Variants in KCNT2 observed in about 807,000 individuals in gnomAD.
KCNT2 encodes the protein potassium sodium-activated channel subfamily T member 2.
In KCNT2, 67 loss-of-function variants were observed where a neutral mutation model predicts 153.8. That is an observed-to-expected ratio of 0.44 (90% CI 0.36 to 0.53). The LOEUF is 0.53. Among genes scored for constraint, KCNT2 ranks in the 20% least tolerant of loss-of-function variants. KCNT2 has a pLI of 0.00. For missense variants in KCNT2, 975 were observed against 1,354.8 expected, an observed-to-expected ratio of 0.72 and a Z score of 4.40; for synonymous variants, 500 against 458.8, an observed-to-expected ratio of 1.09 and a Z score of -1.15.
chr1:196,574,736 TATAG>T (rs1661155781), intron 1 of KCNT2, among the ~76,000 whole-genome samples: 1 of 152,040 alleles, frequency 6.6e-6, no homozygotes, highest in Admixed American at 6.6e-5. Flanking sequence ...TTGGAGCTAT[TATAG>T]ATAAATTATA....
chr1:196,591,309 G>A (rs1450655262), intron 1 of KCNT2, among the ~76,000 whole-genome samples: 1 of 151,902 alleles, frequency 6.6e-6, no homozygotes, highest in Non-Finnish European at 1.5e-5. Context: ...GCTTCCTGAG[G>A]CCCTCCCCAG....
intron 1 of KCNT2, among the ~76,000 whole-genome samples, chr1:196,589,118 G>C (rs1663033893): frequency 6.6e-6 from 1 of 151,736 alleles, no homozygotes; most frequent in South Asian, 2.1e-4. Context: ...AATCTACTTA[G>C]AAATACATGT....
chr1:196,564,120 A>G (rs1298800383), intron 1 of KCNT2, among the ~76,000 whole-genome samples: 2 of 151,954 alleles, frequency 1.3e-5, no homozygotes, highest in East Asian at 3.9e-4. Flanking sequence ...AAAAGACCCC[A>G]CCAAAAAACT....
chr1:196,421,346 C>G (rs1195213812), intron 12 of KCNT2, among the ~76,000 whole-genome samples: 1 of 151,950 alleles, frequency 6.6e-6, no homozygotes, highest in East Asian at 1.9e-4. Context: ...ATGCTTACAC[C>G]TCTTTTGCTA....
chr1:196,383,757 AC>A (rs1211083393), intron 13 of KCNT2, among the ~76,000 whole-genome samples: 6 of 152,182 alleles, frequency 3.9e-5, no homozygotes, highest in Non-Finnish European at 8.8e-5. Context: ...CTAAAATGTA[AC>A]CCCAGCACTT....
chr1:196,315,311 T>C (rs1049107924), intron 21 of KCNT2, among the ~76,000 whole-genome samples: 5 of 151,780 alleles, frequency 3.3e-5, no homozygotes, highest in South Asian at 4.1e-4. Flanking sequence ...ACTTTACTTA[T>C]AGCATGGCTC....
chr1:196,555,615 A>C (rs1031670859), intron 1 of KCNT2, among the ~76,000 whole-genome samples: 1 of 151,356 alleles, frequency 6.6e-6, no homozygotes, highest in Non-Finnish European at 1.5e-5. Flanking sequence ...CCCAATTAAA[A>C]TACCAATGAC....
intron 12 of KCNT2, among the ~76,000 whole-genome samples, chr1:196,419,159 T>A (rs925430074): frequency 1.3e-5 from 2 of 151,594 alleles, no homozygotes; most frequent in Admixed American, 1.3e-4. Context: ...TTTTTTTTAA[T>A]TTTTAATTTT....
Position 196,457,657 on chromosome 1 carries a change from T to A in KCNT2, c.638+7636A>T, listed in dbSNP as rs539877369. On this transcript the variant is annotated intron_variant, in intron 8 of 27. Transcript: ENST00000294725. ...TAAGAACAACCTAGATAGCACGCAC[T>A]TGGTAAATGGAAAGGGTTCAGCACA... Among the ~76,000 whole-genome samples the A allele has an allele frequency of 1.4e-4, 22 of 152,044 alleles. No homozygotes were observed. In the South Asian group the frequency reaches 4.4e-3, roughly 30 times the overall value.
At chr1:196,420,343 T>C (rs1673097870) in intron 12 of KCNT2, among the ~76,000 whole-genome samples, 1 of 151,942 alleles carries the variant, frequency 6.6e-6, no homozygotes, top group Non-Finnish European at 1.5e-5. Context: ...TATTGTTTGA[T>C]TCCTCTGAGT....
chr1:196,286,645 A>ACC (rs1659692717), intron 22 of KCNT2, among the ~76,000 whole-genome samples: 1 of 146,242 alleles, frequency 6.8e-6, no homozygotes, highest in Non-Finnish European at 1.5e-5. Context: ...ACATACACAC[A>ACC]CACACACACA....
intron 13 of KCNT2, among the ~76,000 whole-genome samples, chr1:196,388,798 T>G (rs1455652872): frequency 6.6e-6 from 1 of 151,806 alleles, no homozygotes; most frequent in African/African-American, 2.4e-5. Flanking sequence ...TCATTACCAT[T>G]TTTAAAGAAA....
intron 12 of KCNT2, among the ~76,000 whole-genome samples, chr1:196,412,478 A>G (rs912855166): frequency 4.0e-5 from 6 of 149,338 alleles, no homozygotes; most frequent in South Asian, 2.1e-4. Context: ...CCTTCCTTGT[A>G]TAAAATACTA....
intron 8 of KCNT2, among the ~76,000 whole-genome samples, chr1:196,455,402 GAACAAGTTT>G (rs1676575289): frequency 2.0e-5 from 3 of 151,930 alleles, no homozygotes; most frequent in Admixed American, 2.0e-4. Context: ...CCGGAAGCTT[GAACAAGTTT>G]TTCTTTGTCT....
chr1:196,306,577 C>T (rs941822085), intron 21 of KCNT2, among the ~76,000 whole-genome samples: 2 of 152,062 alleles, frequency 1.3e-5, no homozygotes, highest in African/African-American at 4.8e-5. Context: ...AGTGTGCCCA[C>T]CCTACTGCTC....
At chr1:196,429,488 AT>A (rs1673947121) in intron 9 of KCNT2, 88 bp downstream of exon 9, 1 of 795,996 alleles carries the variant, frequency 1.3e-6, no homozygotes, top group Admixed American at 3.0e-5. Flanking sequence ...TGTTAGATAA[AT>A]AAGCCACTTT....
At chr1:196,247,014 GAC>G (rs1655512710) in intron 26 of KCNT2, among the ~76,000 whole-genome samples, 1 of 151,926 alleles carries the variant, frequency 6.6e-6, no homozygotes, top group Non-Finnish European at 1.5e-5. Flanking sequence ...AGAAAAACAA[GAC>G]TTAATGATCT....
chr1:196,283,907 GA>G (rs1659370646), intron 23 of KCNT2, among the ~76,000 whole-genome samples: 1 of 151,770 alleles, frequency 6.6e-6, no homozygotes, highest in African/African-American at 2.4e-5. Context: ...GGTATGTATT[GA>G]AATGCAAAAT....
chr1:196,318,399 G>A (rs1289888325), intron 20 of KCNT2, among the ~76,000 whole-genome samples: 1 of 151,630 alleles, frequency 6.6e-6, no homozygotes, highest in Admixed American at 6.6e-5. Flanking sequence ...CTGTCCCTAG[G>A]AATTTGATCC....
Sources: allele counts gnomAD v4.1 joint callset (sites outside exome capture counted in the v4.1 genomes callset), GRCh38; gene constraint gnomAD v4.1.1; transcripts MANE v1.5; gene names NCBI Gene and HGNC (gene_info 2026-07-23, HGNC 2026-07-21).